FAM13C: variants seen among roughly 807,000 people sequenced by gnomAD.
FAM13C encodes the protein family with sequence similarity 13 member C, also known as protein FAM13C.
FAM13C carries 37 observed loss-of-function variants against 73.2 expected under a neutral mutation model. The ratio of observed to expected loss-of-function variants is 0.51; its 90% confidence interval spans 0.39 to 0.67. The LOEUF is 0.67. Ranked by LOEUF, FAM13C falls within the 30% of genes least tolerant of loss-of-function variation. The pLI is 0.00. For missense variants in FAM13C, 589 were observed against 715.6 expected (o/e 0.82, Z 2.02); for synonymous variants, 246 against 260.9 (o/e 0.94, Z 0.55).
intron 6 of FAM13C, among the ~76,000 whole-genome samples, chr10:59,276,836 A>T (rs1844370897): frequency 6.6e-6 from 1 of 152,180 alleles, no homozygotes; most frequent in East Asian, 1.9e-4. Context: ...CTGAATGATG[A>T]TTGGGCCATG....
intron 3 of FAM13C, among the ~76,000 whole-genome samples, chr10:59,339,090 C>T (rs186511547): frequency 7.2e-5 from 11 of 152,174 alleles, no homozygotes; most frequent in East Asian, 3.9e-4. Flanking sequence ...CTCCAGCCTC[C>T]GCCCCCATCC....
intron 3 of FAM13C, among the ~76,000 whole-genome samples, chr10:59,326,686 A>G (rs1168454809): frequency 6.6e-6 from 1 of 152,134 alleles, no homozygotes; most frequent in East Asian, 1.9e-4. Context: ...TTATGGAAGG[A>G]TCACCTATGG....
chr10:59,259,447 G>T (rs1011358741), intron 10 of FAM13C, among the ~76,000 whole-genome samples: 2 of 152,142 alleles, frequency 1.3e-5, no homozygotes, highest in African/African-American at 4.8e-5. Flanking sequence ...GCTCATTGAG[G>T]AGTTAGAAAT....
At position 59,356,377 on chromosome 10, in the gene FAM13C, T is replaced by G. The variant is rs75527808; in HGVS notation, c.63-434A>C. ...TTAGTTTACTCTATTGGTCTCAGAT[T>G]TTCTTGATCTTGTGAAAAGGAAGGG... On this transcript the variant is annotated intron_variant, in intron 1 of 13. Transcript: ENST00000618804. 2.6e-4 allele frequency among the ~76,000 whole-genome samples: 39 copies of G among 152,308 alleles called. No homozygotes were observed. In the East Asian group the frequency reaches 7.3e-3, roughly 29 times the overall value.
chr10:59,336,935 C>T (rs903577832), intron 3 of FAM13C, among the ~76,000 whole-genome samples: 5 of 152,178 alleles, frequency 3.3e-5, no homozygotes, highest in African/African-American at 1.2e-4. Flanking sequence ...CTACAGTTCA[C>T]GGATGACAAA....
At chr10:59,310,471 G>C (rs1382769503) in intron 4 of FAM13C, among the ~76,000 whole-genome samples, 1 of 152,066 alleles carries the variant, frequency 6.6e-6, no homozygotes, top group Non-Finnish European at 1.5e-5. Flanking sequence ...CCTTTCTCTA[G>C]AGAGTCGAAG....
chr10:59,319,157 C>T (rs1039636032), intron 4 of FAM13C, among the ~76,000 whole-genome samples: 6 of 151,048 alleles, frequency 4.0e-5, no homozygotes, highest in Admixed American at 3.3e-4. Flanking sequence ...AGGATTTATC[C>T]CCCATAGAAA....
intron 3 of FAM13C, among the ~76,000 whole-genome samples, chr10:59,337,695 TTG>T (rs1852919378): frequency 1.4e-5 from 1 of 72,766 alleles, no homozygotes; most frequent in Non-Finnish European, 2.8e-5. Flanking sequence ...TTTTTTTTTT[TTG>T]AGATAGAGTT....
At chr10:59,323,842 T>G in intron 4 of FAM13C, 146 bp downstream of exon 4, 1 of 739,456 alleles carries the variant, frequency 1.4e-6, no homozygotes, top group Non-Finnish European at 2.4e-6. Flanking sequence ...ATTCCTCTTC[T>G]AGGCCCCTTT....
At chr10:59,291,165 T>C (rs1221445743) in intron 5 of FAM13C, among the ~76,000 whole-genome samples, 1 of 152,124 alleles carries the variant, frequency 6.6e-6, no homozygotes, top group Non-Finnish European at 1.5e-5. Flanking sequence ...CCTCATTGCC[T>C]TTTTATCCTT....
intron 3 of FAM13C, among the ~76,000 whole-genome samples, chr10:59,341,912 C>T (rs1481108778): frequency 2.0e-5 from 3 of 152,096 alleles, no homozygotes; most frequent in African/African-American, 7.2e-5. Flanking sequence ...TTAATTTATC[C>T]TCACCTGTGA....
At chr10:59,309,348 A>T (rs1457636923) in intron 4 of FAM13C, among the ~76,000 whole-genome samples, 1 of 152,072 alleles carries the variant, frequency 6.6e-6, no homozygotes, top group Non-Finnish European at 1.5e-5. Context: ...GCCACCGTTC[A>T]CACAAGATCT....
intron 10 of FAM13C, among the ~76,000 whole-genome samples, chr10:59,255,375 A>G (rs527760552): frequency 4.6e-5 from 7 of 152,252 alleles, no homozygotes; most frequent in African/African-American, 1.2e-4. Flanking sequence ...ACTATTTTCA[A>G]TGGATCACAC....
intron 3 of FAM13C, among the ~76,000 whole-genome samples, chr10:59,330,674 T>G (rs939438705): frequency 6.6e-6 from 1 of 152,156 alleles, no homozygotes; most frequent in African/African-American, 2.4e-5. Context: ...AAAATCTAGC[T>G]ACCCCTCTCT....
intron 8 of FAM13C, among the ~76,000 whole-genome samples, chr10:59,268,057 G>C (rs564484093): frequency 1.3e-5 from 2 of 152,244 alleles, no homozygotes; most frequent in East Asian, 3.9e-4. Flanking sequence ...TGAGTGGCCT[G>C]AACAGATGTC....
chr10:59,346,854 T>C (rs1854356496), intron 3 of FAM13C, among the ~76,000 whole-genome samples: 1 of 152,174 alleles, frequency 6.6e-6, no homozygotes, highest in African/African-American at 2.4e-5. Flanking sequence ...GTTCTCCTTT[T>C]TGGAAAGGGT....
intron 10 of FAM13C, among the ~76,000 whole-genome samples, chr10:59,259,355 G>A (rs1480127783): frequency 6.6e-6 from 1 of 152,120 alleles, no homozygotes; most frequent in African/African-American, 2.4e-5. Flanking sequence ...TCAGCAGTAA[G>A]GCAAGGACCC....
chr10:59,352,111 G>T (rs1855120587), intron 3 of FAM13C, among the ~76,000 whole-genome samples, 159 bp downstream of exon 3: 1 of 152,172 alleles, frequency 6.6e-6, no homozygotes, highest in African/African-American at 2.4e-5. Flanking sequence ...CTTTTAACCT[G>T]CAAGAGCTTC....
At chr10:59,329,508 A>G (rs371263308) in intron 3 of FAM13C, among the ~76,000 whole-genome samples, 1 of 151,356 alleles carries the variant, frequency 6.6e-6, no homozygotes, top group South Asian at 2.1e-4. Flanking sequence ...TACAGGTCCC[A>G]CCACCATGCC....
Sources: gnomAD v4.1 joint callset for allele counts (sites outside exome capture counted in the v4.1 genomes callset) on GRCh38, gnomAD v4.1.1 for gene constraint, MANE v1.5 for transcripts, NCBI Gene and HGNC (gene_info 2026-07-23, HGNC 2026-07-21) for gene names.